The following AGMO variants were observed in gnomAD, a reference collection of about 807,000 sequenced individuals.
AGMO encodes alkylglycerol monooxygenase.
In AGMO, 75 loss-of-function variants were observed where a neutral mutation model predicts 60.2. The ratio of observed to expected loss-of-function variants is 1.25; its 90% CI spans 1.03 to 1.51. The LOEUF (loss-of-function observed/expected upper bound fraction) is 1.51, where lower values mean the gene tolerates loss of function less well. Ranked by LOEUF, AGMO falls within the 40% of genes most tolerant of loss-of-function variation. The pLI is 0.00. For synonymous variants in AGMO, 261 were observed against 177.1 expected (o/e 1.47, Z -3.76); for missense variants, 763 against 525.5 (o/e 1.45, Z -4.42).
chr7:15,377,463 A>G (rs1032429206), intron 10 of AGMO, among the ~76,000 whole-genome samples: 1 of 151,990 alleles, frequency 6.6e-6, no homozygotes, highest in African/African-American at 2.4e-5. Flanking sequence ...GTCTGGCTAC[A>G]TTTTTACCCA....
the AGMO span, among the ~76,000 whole-genome samples, chr7:15,174,558 T>C: frequency 6.6e-6 from 1 of 152,178 alleles, no homozygotes; most frequent in African/African-American, 2.4e-5. Context: ...TACTTTACAG[T>C]CTGTTTTACC....
intron 12 of AGMO, among the ~76,000 whole-genome samples, chr7:15,322,925 T>C (rs1781220664): frequency 6.8e-6 from 1 of 147,810 alleles, no homozygotes; most frequent in African/African-American, 2.5e-5. Flanking sequence ...CATATATGTG[T>C]TTACATATGT....
rs75083512 is a variant in AGMO, at chr7:15,246,432, A to G, written c.1264-45073T>C. 6.6e-5 allele frequency among the ~76,000 whole-genome samples: 10 copies of G among 152,094 alleles called. No individual in the cohort carries two copies. In the South Asian group the frequency reaches 8.3e-4, roughly 13 times the overall value. ...TATTCTCTGATAAGGTAGATTTTTT[A>G]AAAAATTGCCATTGGAGTTCATAGA... On this transcript the variant is annotated intron_variant, in intron 12 of 12. Transcript: ENST00000342526.
At chr7:15,408,062 G>T (rs1784751949) in intron 5 of AGMO, among the ~76,000 whole-genome samples, 1 of 151,856 alleles carries the variant, frequency 6.6e-6, no homozygotes, top group South Asian at 2.1e-4. Flanking sequence ...TGGTAATTGG[G>T]TTGCGTCATG....
chr7:15,456,629 T>G (rs1420771702), intron 3 of AGMO, among the ~76,000 whole-genome samples: 1 of 152,198 alleles, frequency 6.6e-6, no homozygotes, highest in Non-Finnish European at 1.5e-5. Context: ...TCAGCTGTGC[T>G]GACAATCTGG....
chr7:15,216,195 C>G lies in AGMO; in HGVS notation c.1264-14836G>C, dbSNP rs190359409. On this transcript the variant is annotated intron_variant, in intron 12 of 12. Transcript: ENST00000342526. Reference sequence around the variant, plus strand: ...GTGTATTTAAAAGCTGGAAAACAGTCTAACTAGGACTGTGATGCTTTTAGC... The same window carrying G: ...GTGTATTTAAAAGCTGGAAAACAGTGTAACTAGGACTGTGATGCTTTTAGC... Among the ~76,000 whole-genome samples the G allele has an allele frequency of 4.9e-3, 745 of 152,174 alleles. 6 individuals carry two copies. Among genetic ancestry groups the G allele is most frequent in the African/African-American group, 0.017 (696 of 41,544 alleles).
the AGMO span, among the ~76,000 whole-genome samples, chr7:15,119,665 G>T: frequency 2.6e-5 from 4 of 152,110 alleles, no homozygotes; most frequent in African/African-American, 9.7e-5. Flanking sequence ...GATTGGTTTT[G>T]CTTTTAATAC....
downstream of AGMO, among the ~76,000 whole-genome samples, chr7:15,195,553 T>G (rs772377678): frequency 1.3e-5 from 2 of 152,194 alleles, no homozygotes; most frequent in Non-Finnish European, 2.9e-5. Flanking sequence ...TGTTGTCTGC[T>G]CCTTACCGTA....
At chr7:15,526,268 A>G (rs571228824) in intron 3 of AGMO, among the ~76,000 whole-genome samples, 1 of 152,302 alleles carries the variant, frequency 6.6e-6, no homozygotes, top group South Asian at 2.1e-4. Context: ...CAAATAATAA[A>G]TAAGACTTAA....
chr7:15,317,878 T>TAC (rs751882071), intron 12 of AGMO, among the ~76,000 whole-genome samples: 145 of 149,668 alleles, frequency 9.7e-4, no homozygotes, highest in Middle Eastern at 3.5e-3. Context: ...CGTATATATA[T>TAC]ATACACACGT....
chr7:15,147,255 G>A, the AGMO span, among the ~76,000 whole-genome samples: 13 of 152,082 alleles, frequency 8.5e-5, no homozygotes, highest in South Asian at 4.2e-4. Flanking sequence ...CTGTTCTCAC[G>A]CTGCTAATAA....
chr7:15,434,615 A>G (rs1015155222), intron 3 of AGMO, among the ~76,000 whole-genome samples: 1 of 152,088 alleles, frequency 6.6e-6, no homozygotes, highest in African/African-American at 2.4e-5. Context: ...TCTGCCAACA[A>G]CCATGTAAGA....
intron 3 of AGMO, among the ~76,000 whole-genome samples, chr7:15,531,051 ATATATATTC>A (rs1562556559): frequency 4.2e-5 from 4 of 94,318 alleles, no homozygotes; most frequent in South Asian, 3.6e-4. Context: ...TATATATTCT[ATATATATTC>A]TGTATATATT....
At chr7:15,220,976 A>G (rs1398102590) in intron 12 of AGMO, among the ~76,000 whole-genome samples, 2 of 152,198 alleles carry the variant, frequency 1.3e-5, no homozygotes, top group Non-Finnish European at 2.9e-5. Flanking sequence ...AAAATCATAA[A>G]AACATTCAAG....
intron 12 of AGMO, among the ~76,000 whole-genome samples, chr7:15,272,545 T>C (rs1311383526): frequency 6.6e-6 from 1 of 152,008 alleles, no homozygotes; most frequent in African/African-American, 2.4e-5. Flanking sequence ...GACATTTGGG[T>C]TGGTTCCAAG....
chr7:15,517,007 T>A (rs748279423), intron 3 of AGMO, among the ~76,000 whole-genome samples: 3 of 151,990 alleles, frequency 2.0e-5, no homozygotes, highest in Non-Finnish European at 2.9e-5. Flanking sequence ...AAATACAATT[T>A]GAATGCAGGA....
chr7:15,220,122 A>G (rs1188835455), intron 12 of AGMO, among the ~76,000 whole-genome samples: 1 of 151,226 alleles, frequency 6.6e-6, no homozygotes. Flanking sequence ...CTAAGTCCTT[A>G]GAATTTTTGC....
At chr7:15,465,814 T>C (rs1222151199) in intron 3 of AGMO, among the ~76,000 whole-genome samples, 1 of 151,996 alleles carries the variant, frequency 6.6e-6, no homozygotes, top group African/African-American at 2.4e-5. Flanking sequence ...AACCTGTTCC[T>C]ACCAGTCAAT....
the AGMO span, among the ~76,000 whole-genome samples, chr7:15,160,949 T>C: frequency 6.6e-6 from 1 of 152,150 alleles, no homozygotes; most frequent in Non-Finnish European, 1.5e-5. Context: ...AGGGGCTTCA[T>C]GCTACATCAT....
Sources: allele counts gnomAD v4.1 joint callset (sites outside exome capture counted in the v4.1 genomes callset), GRCh38; gene constraint gnomAD v4.1.1; transcripts MANE v1.5; gene names NCBI Gene and HGNC (gene_info 2026-07-23, HGNC 2026-07-21).